PTPRQ: variants seen among roughly 807,000 people sequenced by gnomAD.
The protein encoded by PTPRQ is phosphatidylinositol phosphatase PTPRQ.
In PTPRQ, 199 loss-of-function variants were observed where a neutral mutation model predicts 246.0. The ratio of observed to expected loss-of-function variants is 0.81; its 90% CI spans 0.72 to 0.91. The LOEUF is 0.91. PTPRQ is among the 40% of genes least tolerant of loss of function. The pLI is 0.00. For missense variants in PTPRQ, 2,624 were observed against 2,528.4 expected (o/e 1.04, Z -0.81); for synonymous variants, 869 against 853.2 (o/e 1.02, Z -0.32).
chr12:80,466,959 TG>T (rs1565724500), intron 6 of PTPRQ, among the ~76,000 whole-genome samples: 1 of 152,138 alleles, frequency 6.6e-6, no homozygotes, highest in African/African-American at 2.4e-5. Flanking sequence ...AAGGACTTCA[TG>T]TCTAAAACAC....
Position 80,472,117 on chromosome 12 carries a change from A to C in PTPRQ, c.1052A>C (p.Asp351Ala). The change falls in exon 8 of 45, where the codon GAT becomes GCT. Residue 351 changes from aspartate (D) to alanine (A), a missense_variant. Asp to Ala is a moderately radical substitution (Grantham distance 126). Coordinates refer to ENST00000644991, the MANE Select transcript of PTPRQ (RefSeq NM_001145026.2). Reference sequence around the variant, plus strand: ...CCACTTTTTGCAGGTCGCATTTTGGATAACAGCACAAAAGACCTCAAGTTT... The same window carrying C: ...CCACTTTTTGCAGGTCGCATTTTGGCTAACAGCACAAAAGACCTCAAGTTT... The part of the protein sequence containing the change: ...ELYGPSGRIL[D>A]NSTKDLKFAF... 6.4e-7 allele frequency: 1 copy of C among 1,551,208 alleles called. No homozygotes were observed. Among genetic ancestry groups the C allele is most frequent in the Non-Finnish European group, 8.7e-7 (1 of 1,146,858 alleles).
chr12:80,557,975 C>A (rs1009200273), intron 25 of PTPRQ, among the ~76,000 whole-genome samples: 6 of 152,020 alleles, frequency 3.9e-5, no homozygotes, highest in South Asian at 4.2e-4. Context: ...AAGTATGTAA[C>A]CTTTTTTACC....
rs566993172 is a variant in PTPRQ at position 80,522,910 on chromosome 12, A to G, written c.2679-11105A>G. 4.6e-5 allele frequency among the ~76,000 whole-genome samples: 7 copies of G among 152,208 alleles called. No homozygotes were observed. In the East Asian group the frequency reaches 1.2e-3, roughly 25 times the overall value. On this transcript the variant is annotated intron_variant, in intron 17 of 44. Transcript: ENST00000644991. ...GTTAGGGAGGATTCTCTCTTTTTCT[A>G]TCAATTGGAATAGTTTCAGAAGGAA...
chr12:80,487,428 G>T (rs1285706489), intron 9 of PTPRQ, among the ~76,000 whole-genome samples: 1 of 152,026 alleles, frequency 6.6e-6, no homozygotes, highest in Non-Finnish European at 1.5e-5. Context: ...TTGAAGTCTT[G>T]GTACCTGGGT....
chr12:80,451,229 C>T (rs1324405311), intron 3 of PTPRQ, among the ~76,000 whole-genome samples: 56 of 149,784 alleles, frequency 3.7e-4, no homozygotes, highest in South Asian at 3.7e-3. Flanking sequence ...GTAATATCCC[C>T]TTTATCATTT....
intron 11 of PTPRQ, 28 bp from the exon 12 acceptor site, chr12:80,495,164 C>G: frequency 6.5e-7 from 1 of 1,543,742 alleles, no homozygotes; most frequent in Non-Finnish European, 8.7e-7. Flanking sequence ...ACTTTTTTTT[C>G]ATTCATATGT....
At chr12:80,628,706 C>T (rs1189634277) in intron 33 of PTPRQ, among the ~76,000 whole-genome samples, 1 of 151,916 alleles carries the variant, frequency 6.6e-6, no homozygotes, top group Non-Finnish European at 1.5e-5. Flanking sequence ...AAACAAAAAC[C>T]CCTGTACTCA....
intron 37 of PTPRQ, among the ~76,000 whole-genome samples, chr12:80,652,310 T>C (rs1900284137): frequency 6.6e-6 from 1 of 152,126 alleles, no homozygotes; most frequent in African/African-American, 2.4e-5. Context: ...CTTCTCAAAC[T>C]GACCAATGTT....
At chr12:80,520,969 T>C (rs1217190557) in intron 17 of PTPRQ, among the ~76,000 whole-genome samples, 1 of 151,902 alleles carries the variant, frequency 6.6e-6, no homozygotes, top group Non-Finnish European at 1.5e-5. Context: ...TAGTTTACAG[T>C]CCCACCAACA....
At chr12:80,524,479 T>C (rs915560706) in intron 17 of PTPRQ, among the ~76,000 whole-genome samples, 1 of 152,164 alleles carries the variant, frequency 6.6e-6, no homozygotes, top group Non-Finnish European at 1.5e-5. Flanking sequence ...GGTATGTCTT[T>C]ATCAGCAGCG....
intron 14 of PTPRQ, among the ~76,000 whole-genome samples, chr12:80,498,658 T>C (rs1894702387): frequency 6.6e-6 from 1 of 152,060 alleles, no homozygotes; most frequent in South Asian, 2.1e-4. Flanking sequence ...ATATCTAAGA[T>C]CTCTCTGTTC....
intron 25 of PTPRQ, chr12:80,561,518 C>T (rs1278684596): frequency 6.6e-6 from 1 of 152,264 alleles, no homozygotes; most frequent in African/African-American, 2.4e-5. Context: ...GCAGTGCCAC[C>T]TCCATCTCCA....
chr12:80,620,461 T>C (rs1208161108), intron 32 of PTPRQ, 85 bp downstream of exon 32: 14 of 1,519,840 alleles, frequency 9.2e-6, no homozygotes, highest in Non-Finnish European at 1.2e-5. Context: ...CCTTTCATCT[T>C]TCCAATAAGC....
chr12:80,494,812 C>CA, intron 10 of PTPRQ, 121 bp from the exon 11 acceptor site: 1 of 954,466 alleles, frequency 1.0e-6, no homozygotes, highest in Non-Finnish European at 1.5e-6. Flanking sequence ...TAGAGGTGTG[C>CA]ATGGAGAGAT....
At chr12:80,479,180 G>C (rs898911784) in intron 8 of PTPRQ, among the ~76,000 whole-genome samples, 1 of 151,042 alleles carries the variant, frequency 6.6e-6, no homozygotes, top group Non-Finnish European at 1.5e-5. Context: ...CAGATCTCTC[G>C]GCAGAAACCC....
chr12:80,471,468 T>C (rs956082356), intron 7 of PTPRQ, among the ~76,000 whole-genome samples: 1 of 80,506 alleles, frequency 1.2e-5, no homozygotes. Flanking sequence ...AATGAAATTA[T>C]TTAGCATTTT....
intron 9 of PTPRQ, among the ~76,000 whole-genome samples, chr12:80,491,519 C>T (rs903189018): frequency 2.0e-5 from 3 of 151,942 alleles, no homozygotes; most frequent in Non-Finnish European, 4.4e-5. Context: ...ATCCATAGTT[C>T]TTTATCACAA....
chr12:80,555,184 G>A (rs1276987046), intron 25 of PTPRQ, among the ~76,000 whole-genome samples: 1 of 152,008 alleles, frequency 6.6e-6, no homozygotes, highest in African/African-American at 2.4e-5. Context: ...CCAAAATGCT[G>A]GTATTACAGG....
intron 33 of PTPRQ, among the ~76,000 whole-genome samples, chr12:80,627,984 T>A (rs1263623896): frequency 6.6e-6 from 1 of 152,106 alleles, no homozygotes; most frequent in Non-Finnish European, 1.5e-5. Flanking sequence ...TGTCATTTCC[T>A]CATTTGGCCA....
Sources: allele counts gnomAD v4.1 joint callset (sites outside exome capture counted in the v4.1 genomes callset), GRCh38; gene constraint gnomAD v4.1.1; transcripts MANE v1.5; gene names NCBI Gene and HGNC (gene_info 2026-07-23, HGNC 2026-07-21).